PLXNA2: variants seen among roughly 807,000 people sequenced by gnomAD.
PLXNA2 encodes plexin A2.
In PLXNA2, 91 loss-of-function variants were observed where a neutral mutation model predicts 193.5. The observed-to-expected ratio is 0.47, with a 90% confidence interval of 0.40 to 0.56. PLXNA2 has a LOEUF of 0.56. Among genes scored for constraint, PLXNA2 ranks in the 20% least tolerant of loss-of-function variants. The pLI is 0.00. For missense variants in PLXNA2, 1,995 were observed against 2,503.2 expected, an observed-to-expected ratio of 0.80 and a Z score of 4.33; for synonymous variants, 997 against 1,027.3, an observed-to-expected ratio of 0.97 and a Z score of 0.56.
chr1:208,212,418 A>C (rs1167894418), intron 2 of PLXNA2, among the ~76,000 whole-genome samples: 2 of 152,176 alleles, frequency 1.3e-5, no homozygotes, highest in Non-Finnish European at 2.9e-5. Flanking sequence ...TTGTGTGTGT[A>C]TATTCTTCAG....
chr1:208,039,584 G>T (rs761319502), intron 24 of PLXNA2, 37 bp downstream of exon 24: 32 of 1,611,466 alleles, frequency 2.0e-5, no homozygotes, highest in Non-Finnish European at 2.7e-5. Flanking sequence ...AGAAGTAGAA[G>T]ATACACAGGC....
intron 13 of PLXNA2, among the ~76,000 whole-genome samples, chr1:208,056,796 T>A (rs1665446966): frequency 6.6e-6 from 1 of 152,100 alleles, no homozygotes; most frequent in African/African-American, 2.4e-5. Context: ...CGAGCCCCCT[T>A]CTCAGCTGTG....
intron 2 of PLXNA2, among the ~76,000 whole-genome samples, chr1:208,213,986 A>C (rs1181944124): frequency 3.3e-5 from 5 of 152,230 alleles, no homozygotes; most frequent in African/African-American, 1.2e-4. Flanking sequence ...GGCAGGAATC[A>C]GCAGTTTCCT....
At chr1:208,108,821 C>T (rs993142387) in intron 4 of PLXNA2, among the ~76,000 whole-genome samples, 3 of 152,132 alleles carry the variant, frequency 2.0e-5, no homozygotes, top group Admixed American at 6.6e-5. Context: ...GAACCAGGAC[C>T]GTCGTGGCTC....
chr1:208,230,391 T>G (rs1263751344), intron 1 of PLXNA2: 1 of 152,252 alleles, frequency 6.6e-6, no homozygotes, highest in Admixed American at 6.5e-5. Flanking sequence ...AGTGGTCCCA[T>G]GATTTCAGGC....
intron 17 of PLXNA2, among the ~76,000 whole-genome samples, chr1:208,046,843 T>TGTGTG (rs1558163613): frequency 7.0e-6 from 1 of 143,782 alleles, no homozygotes; most frequent in Non-Finnish European, 1.5e-5. Context: ...TGTGTGTGTG[T>TGTGTG]AGAGTGTGGA....
intron 22 of PLXNA2, among the ~76,000 whole-genome samples, chr1:208,041,239 G>A (rs982005883): frequency 1.3e-5 from 2 of 152,184 alleles, no homozygotes; most frequent in Non-Finnish European, 2.9e-5. Flanking sequence ...GTGGGGCCTG[G>A]AAGCCTGAGA....
At chr1:208,113,546 CTTTTTT>C (rs397695261) in intron 4 of PLXNA2, among the ~76,000 whole-genome samples, 1 of 105,712 alleles carries the variant, frequency 9.5e-6, no homozygotes, top group South Asian at 3.3e-4. Flanking sequence ...CTCTCTCTCT[CTTTTTT>C]TTTTTTTTTT....
chr1:208,041,024 CTG>C (rs973628732), intron 22 of PLXNA2, among the ~76,000 whole-genome samples: 1 of 152,236 alleles, frequency 6.6e-6, no homozygotes, highest in African/African-American at 2.4e-5. Context: ...GCTCAGCAAT[CTG>C]GGCCTGGGAG....
chr1:208,145,962 C>A lies in PLXNA2; in HGVS notation c.1372-3499G>T, dbSNP rs929851222. ...TGGCCAAGAAGTCTGTGACTCCCCC[C>A]ACTCACCCCCGATCCATGCTATCTG... On this transcript the variant is annotated intron_variant, in intron 3 of 31. Transcript: ENST00000367033. 2.6e-5 allele frequency among the ~76,000 whole-genome samples: 4 copies of A among 152,120 alleles called. No homozygotes were observed. In the East Asian group the frequency reaches 5.8e-4, roughly 22 times the overall value.
At chr1:208,178,518 AG>A (rs1237919846) in intron 3 of PLXNA2, among the ~76,000 whole-genome samples, 2 of 152,160 alleles carry the variant, frequency 1.3e-5, no homozygotes, top group African/African-American at 4.8e-5. Context: ...ATAAATCTTC[AG>A]GGGTAGGGGC....
rs1558182793 is a variant in PLXNA2, at chr1:208,082,753, C to T, written c.2299-245G>A. 6.6e-6 allele frequency among the ~76,000 whole-genome samples: 1 copy of T among 152,302 alleles called. No homozygotes were observed. Among genetic ancestry groups the T allele is most frequent in the East Asian group, 1.9e-4 (1 of 5,188 alleles). On this transcript the variant is annotated intron_variant, in intron 10 of 31. Coordinates refer to ENST00000367033, the MANE Select transcript of PLXNA2 (RefSeq NM_025179.4). This position sits in a 1 kb window ranked among gnomAD's most constrained non-coding sequence, Gnocchi z 4.2. The stretch of plus-strand genomic sequence containing the variant: ...TCTCCCGTGGAAAGCTTTGAATCTA[C>T]CTTTCTCCAAACACATCTTCTTAAG...
chr1:208,036,134 T>G (rs915070223), intron 26 of PLXNA2, among the ~76,000 whole-genome samples: 1 of 152,168 alleles, frequency 6.6e-6, no homozygotes, highest in Non-Finnish European at 1.5e-5. Flanking sequence ...GTTGGTACCA[T>G]CAGCACTAGG....
At chr1:208,119,078 C>A (rs574728336) in intron 4 of PLXNA2, among the ~76,000 whole-genome samples, 1 of 152,304 alleles carries the variant, frequency 6.6e-6, no homozygotes, top group Non-Finnish European at 1.5e-5. Flanking sequence ...ACGGGTGATG[C>A]ATTATCATTC....
chr1:208,182,703 C>T (rs1355720057), intron 3 of PLXNA2, among the ~76,000 whole-genome samples: 3 of 151,822 alleles, frequency 2.0e-5, no homozygotes, highest in African/African-American at 7.3e-5. Context: ...CCCTGTAGTT[C>T]TGAGCAAGAA....
At chr1:208,115,969 T>C (rs1443388600) in intron 4 of PLXNA2, among the ~76,000 whole-genome samples, 1 of 152,196 alleles carries the variant, frequency 6.6e-6, no homozygotes, top group East Asian at 1.9e-4. Context: ...AACACCTCAG[T>C]GTGACATTTC....
chr1:208,040,133 G>A (rs577409210), intron 22 of PLXNA2, 75 bp from the exon 23 acceptor site: 8 of 1,207,576 alleles, frequency 6.6e-6, no homozygotes, highest in Non-Finnish European at 8.6e-6. Flanking sequence ...CTTGCCATGA[G>A]GTCTCCCAAG....
rs12023768 is a variant in PLXNA2 at position 208,192,956 on chromosome 1, C to A, written c.1371+17324G>T. On this transcript the variant is annotated intron_variant, in intron 3 of 31. Transcript: ENST00000367033. The stretch of plus-strand genomic sequence containing the variant: ...GGTCTTAATATTTTAGGGTCATAGA[C>A]AACTTTGAGAATCTAATGTAAGCAA... 0.031 allele frequency among the ~76,000 whole-genome samples: 4,591 copies of A among 149,378 alleles called. 479 individuals are homozygous for A. In the East Asian group the frequency reaches 0.37, roughly 12 times the overall value.
At chr1:208,179,078 C>T (rs2102543818) in intron 3 of PLXNA2, among the ~76,000 whole-genome samples, 1 of 152,302 alleles carries the variant, frequency 6.6e-6, no homozygotes, top group Non-Finnish European at 1.5e-5. Context: ...TGGGCCTGGG[C>T]TACGGAGAGT....
Sources: gnomAD v4.1 joint callset for allele counts (sites outside exome capture counted in the v4.1 genomes callset) on GRCh38, gnomAD v4.1.1 for gene constraint, Gnocchi (gnomAD v3.1) non-coding constraint, MANE v1.5 for transcripts, NCBI Gene and HGNC (gene_info 2026-07-23, HGNC 2026-07-21) for gene names.